The following BCL2L13 variants were observed in gnomAD, a reference collection of about 807,000 sequenced individuals.
The protein encoded by BCL2L13 is BCL2 like 13, also known as bcl-2-like protein 13.
In BCL2L13, 13 loss-of-function variants were observed where a neutral mutation model predicts 25.8. The observed-to-expected ratio is 0.50, with a 90% CI of 0.33 to 0.80. BCL2L13 has a LOEUF of 0.80. Among genes scored for constraint, BCL2L13 ranks in the 30% least tolerant of loss-of-function variants. The pLI, the probability that BCL2L13 is intolerant of heterozygous loss-of-function variation, is 0.02. For synonymous variants in BCL2L13, 244 were observed against 230.3 expected (o/e 1.06, Z -0.54); for missense variants, 504 against 574.9 (o/e 0.88, Z 1.26).
At chr22:17,717,899 C>A (rs1374107241) in intron 6 of BCL2L13, among the ~76,000 whole-genome samples, 1 of 152,112 alleles carries the variant, frequency 6.6e-6, no homozygotes, top group African/African-American at 2.4e-5. Context: ...CCAGCCTGGG[C>A]AACATGGCAA....
At chr22:17,698,581 A>G (rs1430528912) in intron 5 of BCL2L13, among the ~76,000 whole-genome samples, 1 of 132,536 alleles carries the variant, frequency 7.5e-6, no homozygotes, top group Non-Finnish European at 1.6e-5. Flanking sequence ...AAAAAAAGCC[A>G]TACATGGTGG....
chr22:17,653,783 C>T (rs1358946413), intron 1 of BCL2L13, among the ~76,000 whole-genome samples: 1 of 152,010 alleles, frequency 6.6e-6, no homozygotes, highest in Admixed American at 6.6e-5. Flanking sequence ...GAATTATAAG[C>T]ATGAGCCACT....
intron 1 of BCL2L13, among the ~76,000 whole-genome samples, chr22:17,643,437 C>T (rs2058359123): frequency 6.6e-6 from 1 of 151,724 alleles, no homozygotes; most frequent in South Asian, 2.1e-4. Flanking sequence ...ATTTTACTCT[C>T]TTTCAGAGAA....
At chr22:17,636,605 A>G (rs2058111042), upstream of BCL2L13, among the ~76,000 whole-genome samples, 1 of 151,898 alleles carries the variant, frequency 6.6e-6, no homozygotes, top group African/African-American at 2.4e-5. Flanking sequence ...CCTGGCCAAC[A>G]TGGCGAAACC....
chr22:17,708,159 T>C (rs1250015403), intron 6 of BCL2L13, among the ~76,000 whole-genome samples: 1 of 152,116 alleles, frequency 6.6e-6, no homozygotes, highest in African/African-American at 2.4e-5. Context: ...GTTTCTTCTC[T>C]ACTTCCCTTT....
chr22:17,664,955 T>C (rs1481894698), intron 2 of BCL2L13, among the ~76,000 whole-genome samples: 1 of 152,176 alleles, frequency 6.6e-6, no homozygotes, highest in Non-Finnish European at 1.5e-5. Flanking sequence ...GCTTGGAAGG[T>C]TTCTGACATG....
intron 6 of BCL2L13, chr22:17,703,684 G>A (rs2060507688): frequency 6.6e-6 from 1 of 152,142 alleles, no homozygotes; most frequent in African/African-American, 2.4e-5. Flanking sequence ...CTAGGTTTAC[G>A]TGCTTGGTAA....
intron 6 of BCL2L13, among the ~76,000 whole-genome samples, chr22:17,723,416 GA>G (rs1190959501): frequency 1.3e-5 from 2 of 152,158 alleles, no homozygotes; most frequent in Non-Finnish European, 2.9e-5. Flanking sequence ...GAGGAGGAAG[GA>G]AAAGTTTGTA....
rs137860388 is a variant in BCL2L13, at chr22:17,714,060, G to A, written c.600+11674G>A. On this transcript the variant is annotated intron_variant, in intron 6 of 6. Transcript: ENST00000317582. ...TGTAATCCCAGCACTTTGGGAGGCC[G>A]AGGCAGGTGGATCACGAGGTCAGGA... Among the ~76,000 whole-genome samples the A allele has an allele frequency of 7.7e-3, 1,163 of 151,768 alleles. 24 individuals carry two copies. The highest frequency in any genetic ancestry group is 0.026 in the African/African-American group (1,092 of 41,388).
At chr22:17,635,487 A>G (rs1417438646), upstream of BCL2L13, among the ~76,000 whole-genome samples, 1 of 152,122 alleles carries the variant, frequency 6.6e-6, no homozygotes, top group Non-Finnish European at 1.5e-5. Flanking sequence ...TGAAAAGACA[A>G]TCTCTTTCCT....
In BCL2L13 at chr22:17,730,611, T is replaced by C. The variant is rs1332534217; in HGVS notation, c.*3077T>C. ...GATGTTTTATAGAAATAAAACGTTT[T>C]GTAGCTAAGAATTTTCCCTTTCTCT... On this transcript the variant is annotated 3_prime_UTR_variant, in exon 7 of 7. Transcript: ENST00000317582. 6.6e-6 allele frequency: 1 copy of C among 152,174 alleles called. No individual in the cohort carries two copies. 9.4% of individuals were successfully genotyped at this position (152,174 alleles called of 1,614,324 possible). A position where few individuals can be genotyped will look rare whatever the true frequency, so the allele number is the denominator to read the frequency against.
At position 17,726,544 on chromosome 22, in the gene BCL2L13, C is replaced by T. The variant is rs1027180232; in HGVS notation, c.601-133C>T. On this transcript the variant is annotated intron_variant, in intron 6 of 6. Transcript: ENST00000317582. ...GGCCTACAAATACATGCATTCCATT[C>T]GGAAACTATGTAGGTTTAAACAGTG... The T allele has an allele frequency of 7.0e-5, 74 of 1,056,048 alleles. 1 individual carries two copies. Among genetic ancestry groups the T allele is most frequent in the South Asian group, 4.2e-4 (25 of 59,338 alleles). The allele number at this position is 1,056,048 out of a possible 1,614,324, so 65.4% of individuals were successfully genotyped here.
chr22:17,631,583 C>T (rs1216074613), intron 1 of BCL2L13, among the ~76,000 whole-genome samples: 5 of 145,168 alleles, frequency 3.4e-5, no homozygotes, highest in Non-Finnish European at 6.0e-5. Flanking sequence ...AGGCTAGTCT[C>T]GAACTCCTGG....
At chr22:17,658,019 A>G (rs990646260) in intron 2 of BCL2L13, among the ~76,000 whole-genome samples, 42 of 150,666 alleles carry the variant, frequency 2.8e-4, no homozygotes, top group African/African-American at 9.8e-4. Flanking sequence ...ACAGGGTTTC[A>G]CCATGTTGGC....
chr22:17,655,361 A>G (rs1039289845), intron 1 of BCL2L13, among the ~76,000 whole-genome samples: 3 of 151,102 alleles, frequency 2.0e-5, no homozygotes, highest in African/African-American at 7.3e-5. Context: ...TAGTAAATAC[A>G]TAAACCAGTA....
chr22:17,636,479 C>T (rs1032634978), upstream of BCL2L13, among the ~76,000 whole-genome samples: 11 of 151,716 alleles, frequency 7.3e-5, no homozygotes, highest in South Asian at 2.1e-4. Flanking sequence ...GTAACAGAAG[C>T]GACACCTTGT....
At chr22:17,672,822 C>T (rs985317433) in intron 2 of BCL2L13, among the ~76,000 whole-genome samples, 1 of 152,052 alleles carries the variant, frequency 6.6e-6, no homozygotes, top group Admixed American at 6.6e-5. Context: ...GTAACCATGA[C>T]ATTTTTGTCA....
At chr22:17,674,467 A>G (rs2059514536) in intron 2 of BCL2L13, among the ~76,000 whole-genome samples, 1 of 151,928 alleles carries the variant, frequency 6.6e-6, no homozygotes, top group Non-Finnish European at 1.5e-5. Context: ...TTAGCCAGGC[A>G]TGGTTCCGGG....
At chr22:17,643,590 T>TA (rs2058365836) in intron 1 of BCL2L13, among the ~76,000 whole-genome samples, 1 of 152,070 alleles carries the variant, frequency 6.6e-6, no homozygotes, top group Non-Finnish European at 1.5e-5. Flanking sequence ...CCAAGAAACT[T>TA]AATGTTTTGT....
Sources: gnomAD v4.1 joint callset for allele counts (sites outside exome capture counted in the v4.1 genomes callset) on GRCh38, gnomAD v4.1.1 for gene constraint, MANE v1.5 for transcripts, NCBI Gene and HGNC (gene_info 2026-07-23, HGNC 2026-07-21) for gene names.